RBMS3: variants seen among roughly 807,000 people sequenced by gnomAD.
RBMS3 encodes the protein RNA-binding motif, single-stranded-interacting protein 3.
A neutral mutation model predicts 66.8 loss-of-function variants in RBMS3; 27 were observed. The ratio of observed to expected loss-of-function variants is 0.40; its 90% CI spans 0.30 to 0.56. The LOEUF is 0.56. Ranked by LOEUF, RBMS3 falls within the 20% of genes least tolerant of loss-of-function variation. The pLI, the probability that RBMS3 is intolerant of heterozygous loss-of-function variation, is 0.40. For missense variants in RBMS3, 513 were observed against 549.5 expected, an observed-to-expected ratio of 0.93 and a Z score of 0.66; for synonymous variants, 188 against 183.0, an observed-to-expected ratio of 1.03 and a Z score of -0.22.
rs539924158 is a variant in RBMS3, at chr3:29,467,653, T to C, written c.249-20788T>C. On this transcript the variant is annotated intron_variant, in intron 2 of 14. Coordinates refer to ENST00000383767, the MANE Select transcript of RBMS3 (RefSeq NM_001003793.3). The stretch of plus-strand genomic sequence containing the variant: ...AGGAAAAGAAAAGCCAAGCTTAGAG[T>C]ATATGAAAACTCTTCACAAATTAAA... Among the ~76,000 whole-genome samples, 7 of 152,218 alleles carry C rather than the reference T, an allele frequency of 4.6e-5. No homozygotes were observed. The South Asian group carries it at 1.5e-3, about 32-fold the overall frequency.
intron 1 of RBMS3, among the ~76,000 whole-genome samples, chr3:29,302,963 AC>A (rs2033779870): frequency 6.6e-6 from 1 of 152,102 alleles, no homozygotes; most frequent in Admixed American, 6.6e-5. Context: ...CCTGGGTTAT[AC>A]CTTAGTCTCA....
chr3:29,921,485 A>G (rs1198028925), intron 10 of RBMS3, among the ~76,000 whole-genome samples: 1 of 98,738 alleles, frequency 1.0e-5, no homozygotes, highest in African/African-American at 4.0e-5. Flanking sequence ...CAACTGACAG[A>G]CTGTTTGGCA....
chr3:29,815,678 T>G (rs143252930), intron 6 of RBMS3, among the ~76,000 whole-genome samples: 23 of 152,236 alleles, frequency 1.5e-4, no homozygotes, highest in African/African-American at 5.3e-4. Context: ...GTGAAGTAAC[T>G]CAGGAATGGA....
intron 7 of RBMS3, among the ~76,000 whole-genome samples, chr3:29,873,292 G>A (rs933778101): frequency 6.6e-6 from 1 of 152,056 alleles, no homozygotes; most frequent in Non-Finnish European, 1.5e-5. Context: ...TCTCATCATA[G>A]AGACCTTTCA....
chr3:29,344,673 A>G (rs1433088422), intron 1 of RBMS3, among the ~76,000 whole-genome samples: 1 of 152,124 alleles, frequency 6.6e-6, no homozygotes, highest in African/African-American at 2.4e-5. Flanking sequence ...TATATTTACC[A>G]GTATTTGCCA....
intron 4 of RBMS3, among the ~76,000 whole-genome samples, chr3:29,663,361 A>G (rs1468049830): frequency 6.6e-6 from 1 of 152,226 alleles, no homozygotes; most frequent in African/African-American, 2.4e-5. Context: ...AATTTCTTGC[A>G]TAACGAAGAC....
At chr3:29,324,761 TC>T (rs1471114289) in intron 1 of RBMS3, among the ~76,000 whole-genome samples, 1 of 152,128 alleles carries the variant, frequency 6.6e-6, no homozygotes, top group Non-Finnish European at 1.5e-5. Context: ...CTCTCCTTTT[TC>T]TTTTTCTCTT....
intron 1 of RBMS3, among the ~76,000 whole-genome samples, chr3:29,407,836 A>G (rs1223722724): frequency 1.3e-5 from 2 of 152,250 alleles, no homozygotes; most frequent in Non-Finnish European, 2.9e-5. Flanking sequence ...ATTTTTGTGC[A>G]TAAATATTCT....
chr3:29,668,097 T>A lies in RBMS3; in HGVS notation c.400-71623T>A, dbSNP rs150537024. ...TGGATAGGATACATTTGATATTATATGTCAGTTGTCCAGACAGAAAAACAC... is the reference window on the plus strand; with the variant it reads ...TGGATAGGATACATTTGATATTATAAGTCAGTTGTCCAGACAGAAAAACAC... On this transcript the variant is annotated intron_variant, in intron 4 of 14. Transcript: ENST00000383767. Among the ~76,000 whole-genome samples, 10 of 152,352 alleles carry A rather than the reference T, an allele frequency of 6.6e-5. No individual in the cohort carries two copies. In the East Asian group the frequency reaches 1.9e-3, roughly 29 times the overall value.
intron 6 of RBMS3, among the ~76,000 whole-genome samples, chr3:29,785,466 C>A (rs2056787067): frequency 6.6e-6 from 1 of 151,912 alleles, no homozygotes; most frequent in South Asian, 2.1e-4. Context: ...AAACAAGAGC[C>A]CACTAGCCAA....
rs1036283175 is a variant in RBMS3 at position 30,004,980 on chromosome 3, A to G, written c.*1118A>G. On this transcript the variant is annotated 3_prime_UTR_variant, in exon 15 of 15. Transcript: ENST00000383767. ...GCAATAGATAGAGAAATTGTTGACA[A>G]TTTCTGTAGTCTTTCCTAGTTGTGA... is the stretch of plus-strand genomic sequence containing the variant. 6.6e-6 allele frequency: 1 copy of G among 151,748 alleles called. No homozygotes were observed. Among genetic ancestry groups the G allele is most frequent in the East Asian group, 1.9e-4 (1 of 5,176 alleles). 9.4% of individuals were successfully genotyped at this position (151,748 alleles called of 1,614,324 possible).
In RBMS3 at chr3:29,800,630, C is replaced by A. The variant is rs145094394; in HGVS notation, c.637+37641C>A. 6.2e-3 allele frequency among the ~76,000 whole-genome samples: 942 copies of A among 152,228 alleles called. 8 individuals are homozygous for A. The highest frequency in any genetic ancestry group is 0.022 in the African/African-American group (906 of 41,548). ...ACATATTTTTATATTAATAACTAAT[C>A]ATAGCAATGCAATTTTAAAACTCTG... On this transcript the variant is annotated intron_variant, in intron 6 of 14. Coordinates refer to ENST00000383767, the MANE Select transcript of RBMS3 (RefSeq NM_001003793.3).
intron 14 of RBMS3, among the ~76,000 whole-genome samples, chr3:29,992,157 TACA>T (rs540652473): frequency 3.1e-4 from 47 of 152,346 alleles, no homozygotes; most frequent in African/African-American, 1.1e-3. Flanking sequence ...CCTGCCTGTC[TACA>T]GAGTGCTGCT....
At chr3:29,648,927 C>T (rs2050044103) in intron 4 of RBMS3, among the ~76,000 whole-genome samples, 1 of 152,118 alleles carries the variant, frequency 6.6e-6, no homozygotes, top group Non-Finnish European at 1.5e-5. Context: ...TTGTTTCCAG[C>T]TTTAGGAAAA....
chr3:29,714,210 G>A (rs1376840445), intron 4 of RBMS3, among the ~76,000 whole-genome samples: 3 of 140,732 alleles, frequency 2.1e-5, no homozygotes, highest in African/African-American at 8.0e-5. Context: ...GTGTACATAT[G>A]AAGGAATGGT....
At chr3:29,544,386 TTTG>T (rs201371731) in intron 3 of RBMS3, among the ~76,000 whole-genome samples, 15 of 132,806 alleles carry the variant, frequency 1.1e-4, no homozygotes, top group African/African-American at 2.6e-4. Flanking sequence ...GTCTTACAAA[TTTG>T]TTTTTTTTTA....
At chr3:29,322,518 T>G (rs149113669) in intron 1 of RBMS3, among the ~76,000 whole-genome samples, 248 of 152,206 alleles carry the variant, frequency 1.6e-3, no homozygotes, top group African/African-American at 5.5e-3. Context: ...GTACATTTTA[T>G]GAGTTAAAAA....
At chr3:29,755,874 T>C (rs933908903) in intron 5 of RBMS3, among the ~76,000 whole-genome samples, 16 of 152,172 alleles carry the variant, frequency 1.1e-4, no homozygotes, top group Admixed American at 8.5e-4. Flanking sequence ...CCTTGGGGCA[T>C]AGAGCAGGAC....
At chr3:29,917,820 C>T (rs1374601073) in intron 10 of RBMS3, among the ~76,000 whole-genome samples, 5 of 152,056 alleles carry the variant, frequency 3.3e-5, no homozygotes, top group African/African-American at 4.8e-5. Context: ...TGTAACAAAA[C>T]GTTTGTGAAC....
Sources: gnomAD v4.1 joint callset for allele counts (sites outside exome capture counted in the v4.1 genomes callset) on GRCh38, gnomAD v4.1.1 for gene constraint, MANE v1.5 for transcripts, NCBI Gene and HGNC (gene_info 2026-07-23, HGNC 2026-07-21) for gene names.